EAF1: variants seen among roughly 807,000 people sequenced by gnomAD.
EAF1 encodes the protein ELL associated factor 1.
A neutral mutation model predicts 26.6 loss-of-function variants in EAF1; 19 were observed. The observed-to-expected ratio is 0.71, with a 90% CI of 0.50 to 1.05. The LOEUF is 1.05. EAF1 is among the 50% of genes least tolerant of loss of function. The probability of loss-of-function intolerance (pLI) is 0.00; values close to 1 mark genes in which losing one functional copy is unlikely to be tolerated. For missense variants in EAF1, 260 were observed against 335.5 expected (o/e 0.78, Z 1.76); for synonymous variants, 102 against 120.6 (o/e 0.85, Z 1.01).
At position 15,439,201 on chromosome 3, in the gene EAF1, A is replaced by G. The variant is rs1394148368; in HGVS notation, c.*46A>G. ...ACTTTTTGGTGCACAAACATGCCGCAAGACTGAGCTACTTTGGCGTGGAGT... is the reference window on the plus strand; with the variant it reads ...ACTTTTTGGTGCACAAACATGCCGCGAGACTGAGCTACTTTGGCGTGGAGT... On this transcript the variant is annotated 3_prime_UTR_variant, in exon 6 of 6. Transcript: ENST00000396842. 1 of 1,594,336 alleles carries G rather than the reference A, an allele frequency of 6.3e-7. No homozygotes were observed. Among genetic ancestry groups the G allele is most frequent in the Non-Finnish European group, 8.6e-7 (1 of 1,166,966 alleles).
chr3:15,437,679 A>G (rs1391695890), intron 5 of EAF1, among the ~76,000 whole-genome samples: 1 of 152,168 alleles, frequency 6.6e-6, no homozygotes, highest in East Asian at 1.9e-4. Flanking sequence ...CTAATTTTCT[A>G]TGCTTTTCTC....
rs1433132046 is a variant in EAF1 at position 15,441,179 on chromosome 3, T to A, written c.*2024T>A. On this transcript the variant is annotated 3_prime_UTR_variant, in exon 6 of 6. Transcript: ENST00000396842. ...TCTGTCCTGCCCAACACTGTATGGT[T>A]TTTCTCTAGCACGGCTTCAATTTTG... is the stretch of plus-strand genomic sequence containing the variant. 1 of 153,790 alleles carries A rather than the reference T, an allele frequency of 6.5e-6. No individual in the cohort carries two copies. Among genetic ancestry groups the A allele is most frequent in the Non-Finnish European group, 1.5e-5 (1 of 68,102 alleles). 9.5% of individuals were successfully genotyped at this position (153,790 alleles called of 1,614,324 possible). A position where few individuals can be genotyped will look rare whatever the true frequency, so the allele number is the denominator to read the frequency against.
intron 4 of EAF1, among the ~76,000 whole-genome samples, chr3:15,435,744 G>A (rs2125067003): frequency 6.6e-6 from 1 of 152,260 alleles, no homozygotes; most frequent in East Asian, 1.9e-4. Flanking sequence ...GAAGAATATT[G>A]TTTTACCATT....
At position 15,437,878 on chromosome 3, in the gene EAF1, A is replaced by C. The variant is rs111906569; in HGVS notation, c.761-1231A>C. ...TCTTCTTTGTGGGAGGTTGTCCTGC[A>C]CATTGTAGGATGTTTAAGAGCATCC... On this transcript the variant is annotated intron_variant, in intron 5 of 5. Coordinates refer to ENST00000396842, the MANE Select transcript of EAF1 (RefSeq NM_033083.7). 7.7e-3 allele frequency among the ~76,000 whole-genome samples: 1,176 copies of C among 152,256 alleles called. 24 individuals carry two copies. The highest frequency in any genetic ancestry group is 0.027 in the African/African-American group (1,128 of 41,538).
intron 1 of EAF1, among the ~76,000 whole-genome samples, chr3:15,429,449 A>G (rs570341712): frequency 2.0e-4 from 30 of 152,252 alleles, no homozygotes; most frequent in Non-Finnish European, 3.8e-4. Context: ...GGCCTTTCAT[A>G]TTTCATATAG....
At chr3:15,432,331 A>C (rs2061806841) in intron 3 of EAF1, 108 bp downstream of exon 3, 4 of 1,393,486 alleles carry the variant, frequency 2.9e-6, no homozygotes, top group Non-Finnish European at 3.9e-6. Flanking sequence ...TTCTATCAAT[A>C]ATCTTAACAC....
At position 15,427,687 on chromosome 3, in the gene EAF1, G is replaced by A. The variant is rs570893627; in HGVS notation, c.-93G>A. ...TCCTTGTCTTCCAGAGCGGTGGCCC[G>A]GAAGCACAGTCCTCCCAGACGCCAG... is the stretch of plus-strand genomic sequence containing the variant. On this transcript the variant is annotated 5_prime_UTR_variant, in exon 1 of 6. Coordinates refer to ENST00000396842, the MANE Select transcript of EAF1 (RefSeq NM_033083.7). The A allele has an allele frequency of 7.4e-7, 1 of 1,349,732 alleles. No homozygotes were observed. The highest frequency in any genetic ancestry group is 1.0e-6 in the Non-Finnish European group (1 of 970,510). The allele number at this position is 1,349,732 out of a possible 1,614,324, so 83.6% of individuals were successfully genotyped here. A position where few individuals can be genotyped will look rare whatever the true frequency, so the allele number is the denominator to read the frequency against.
chr3:15,442,221 G>A lies in EAF1; in HGVS notation c.*3066G>A, dbSNP rs887860822. The A allele has an allele frequency of 2.0e-5, 3 of 152,368 alleles. No individual in the cohort carries two copies. The highest frequency in any genetic ancestry group is 4.4e-5 in the Non-Finnish European group (3 of 68,016). 9.4% of individuals were successfully genotyped at this position (152,368 alleles called of 1,614,324 possible). A position where few individuals can be genotyped will look rare whatever the true frequency, so the allele number is the denominator to read the frequency against. On this transcript the variant is annotated 3_prime_UTR_variant, in exon 6 of 6. Coordinates refer to ENST00000396842, the MANE Select transcript of EAF1 (RefSeq NM_033083.7). Reference sequence around the variant, plus strand: ...CTGGTTCAGCAGGGTGTGTGTGTGTGTGTGTGTGTGTGTGTATGAATGGTA... The same window carrying A: ...CTGGTTCAGCAGGGTGTGTGTGTGTATGTGTGTGTGTGTGTATGAATGGTA...
intron 5 of EAF1, among the ~76,000 whole-genome samples, chr3:15,438,411 T>A (rs1394763398): frequency 6.6e-6 from 1 of 152,236 alleles, no homozygotes; most frequent in Non-Finnish European, 1.5e-5. Flanking sequence ...TTCACCTTTC[T>A]TAATGGGAAG....
rs971285866 is a variant in EAF1 at position 15,436,254 on chromosome 3, G to A, written c.527-88G>A. ...TTTAAATTATTTCTTATTGCTGTTG[G>A]TTTTGCTGATTTACTATTTATAGAA... On this transcript the variant is annotated intron_variant, in intron 4 of 5. Coordinates refer to ENST00000396842, the MANE Select transcript of EAF1 (RefSeq NM_033083.7). The A allele has an allele frequency of 1.5e-5, 14 of 956,358 alleles. No individual in the cohort carries two copies. The African/African-American group carries it at 2.0e-4, about 13-fold the overall frequency. The allele number at this position is 956,358 out of a possible 1,614,324, so 59.2% of individuals were successfully genotyped here.
chr3:15,435,085 G>T (rs553660592), intron 4 of EAF1, among the ~76,000 whole-genome samples: 8 of 151,934 alleles, frequency 5.3e-5, no homozygotes, highest in African/African-American at 1.7e-4. Flanking sequence ...TCTCTTTTTT[G>T]GGGGGAAAAA....
chr3:15,438,525 T>C (rs946501331), intron 5 of EAF1: 39 of 149,624 alleles, frequency 2.6e-4, no homozygotes, highest in African/African-American at 7.0e-4. Context: ...TTTTTTTTTT[T>C]CTTTTTTCTT....
chr3:15,429,259 G>T (rs561638647), intron 1 of EAF1, among the ~76,000 whole-genome samples: 27 of 152,156 alleles, frequency 1.8e-4, no homozygotes, highest in African/African-American at 5.5e-4. Flanking sequence ...CAGTACTTTG[G>T]GAGGCCGAGG....
Position 15,439,235 on chromosome 3 carries a change from A to G in EAF1, c.*80A>G. 1 of 1,417,718 alleles carries G rather than the reference A, an allele frequency of 7.1e-7. No individual in the cohort carries two copies. Among genetic ancestry groups the G allele is most frequent in the Non-Finnish European group, 9.8e-7 (1 of 1,016,484 alleles). 87.8% of individuals were successfully genotyped at this position (1,417,718 alleles called of 1,614,324 possible). On this transcript the variant is annotated 3_prime_UTR_variant, in exon 6 of 6. Transcript: ENST00000396842. ...CTACTTTGGCGTGGAGTCCATTGCAAGAGGAAAATGTTATGGATCAGTGAC... is the reference window on the plus strand; with the variant it reads ...CTACTTTGGCGTGGAGTCCATTGCAGGAGGAAAATGTTATGGATCAGTGAC...
At chr3:15,428,598 C>T (rs1303853938) in intron 1 of EAF1, among the ~76,000 whole-genome samples, 1 of 151,922 alleles carries the variant, frequency 6.6e-6, no homozygotes, top group Non-Finnish European at 1.5e-5. Context: ...GATTGGTCTA[C>T]GTTTGGAAGC....
chr3:15,427,942 A>C (rs1575448040), intron 1 of EAF1, 60 bp downstream of exon 1: 3 of 1,328,826 alleles, frequency 2.3e-6, no homozygotes, highest in Non-Finnish European at 3.0e-6. Context: ...ATCAACCTTG[A>C]CTCCTTCCTT....
chr3:15,439,046 C>A, intron 5 of EAF1, 63 bp from the exon 6 acceptor site: 2 of 1,495,804 alleles, frequency 1.3e-6, no homozygotes, highest in South Asian at 1.2e-5. Context: ...ATGAGGAAGT[C>A]ATTTTTAAAT....
intron 3 of EAF1, among the ~76,000 whole-genome samples, chr3:15,433,535 AG>A (rs2061814851): frequency 6.6e-6 from 1 of 152,220 alleles, no homozygotes; most frequent in South Asian, 2.1e-4. Context: ...CATAAGCAAA[AG>A]TTTTAGAAGC....
At position 15,436,408 on chromosome 3, in the gene EAF1, C is replaced by T. The variant is rs754503030; in HGVS notation, c.593C>T (p.Ser198Phe). 3.7e-5 allele frequency: 59 copies of T among 1,613,898 alleles called. 2 individuals carry two copies. In the Admixed American group the frequency reaches 9.7e-4, roughly 26 times the overall value. The change falls in exon 5 of 6, where the codon TCT becomes TTT. Residue 198 changes from serine (S) to phenylalanine (F), a missense_variant. Transcript: ENST00000396842. ...SSSSGSSSSD[S>F]ESSSGSDDDS... is the part of the protein sequence containing the mutation. ...AGCAGTGGGAGCAGCTCTTCAGACT[C>T]TGAGAGCTCTTCGGGAAGTGATGAC...
Sources: allele counts gnomAD v4.1 joint callset (sites outside exome capture counted in the v4.1 genomes callset), GRCh38; gene constraint gnomAD v4.1.1; transcripts MANE v1.5; gene names NCBI Gene and HGNC (gene_info 2026-07-23, HGNC 2026-07-21).